AFG2A: variants seen among roughly 807,000 people sequenced by gnomAD.
The protein encoded by AFG2A is ATPase family gene 2 protein homolog A.
chr4:123,271,304 G>A, the AFG2A span, among the ~76,000 whole-genome samples: 1 of 152,198 alleles, frequency 6.6e-6, no homozygotes, highest in African/African-American at 2.4e-5. Context: ...GAAAATAATA[G>A]TTGGAATGGC....
At chr4:123,024,017 T>C in the AFG2A span, among the ~76,000 whole-genome samples, 17 of 150,720 alleles carry the variant, frequency 1.1e-4, no homozygotes, top group South Asian at 3.4e-3. Flanking sequence ...AGAGAGGAGT[T>C]GCTGAGAATT....
chr4:123,004,678 C>G, the AFG2A span, among the ~76,000 whole-genome samples: 1 of 152,082 alleles, frequency 6.6e-6, no homozygotes, highest in African/African-American at 2.4e-5. Flanking sequence ...AAATATTGTT[C>G]TGTAGTTTTC....
the AFG2A span, among the ~76,000 whole-genome samples, chr4:123,116,210 G>A: frequency 3.9e-5 from 6 of 152,158 alleles, no homozygotes; most frequent in African/African-American, 1.4e-4. Context: ...TTTCAGAAAA[G>A]TTATAAGTAT....
chr4:123,168,228 G>A, the AFG2A span, among the ~76,000 whole-genome samples: 1 of 152,058 alleles, frequency 6.6e-6, no homozygotes, highest in African/African-American at 2.4e-5. Flanking sequence ...ACTACATTCT[G>A]TCATCCTTCC....
At chr4:123,157,695 AAAAC>A in the AFG2A span, among the ~76,000 whole-genome samples, 4 of 152,230 alleles carry the variant, frequency 2.6e-5, no homozygotes, top group Admixed American at 1.3e-4. Context: ...TAGTTCACGT[AAAAC>A]AAATCTCTAG....
the AFG2A span, among the ~76,000 whole-genome samples, chr4:123,119,159 A>G: frequency 6.6e-6 from 1 of 152,140 alleles, no homozygotes; most frequent in Non-Finnish European, 1.5e-5. Context: ...ATTTATTTGA[A>G]TCACATAATT....
At chr4:123,296,720 T>C in the AFG2A span, among the ~76,000 whole-genome samples, 46 of 152,336 alleles carry the variant, frequency 3.0e-4, no homozygotes, top group African/African-American at 1.1e-3. Flanking sequence ...TATACTGTTC[T>C]CTGTACTGTT....
chr4:123,198,556 AC>A, the AFG2A span, among the ~76,000 whole-genome samples: 2 of 152,164 alleles, frequency 1.3e-5, no homozygotes, highest in Non-Finnish European at 2.9e-5. Context: ...CTTCTCAGAT[AC>A]ACATTCTTAA....
chr4:122,987,135 CT>C, the AFG2A span, among the ~76,000 whole-genome samples: 5 of 152,132 alleles, frequency 3.3e-5, no homozygotes. Context: ...ATAGCCACCC[CT>C]GCTCTATTTT....
At chr4:123,157,216 GT>G in the AFG2A span, among the ~76,000 whole-genome samples, 67 of 151,708 alleles carry the variant, frequency 4.4e-4, no homozygotes, top group African/African-American at 1.6e-3. Flanking sequence ...TAGAGACAGG[GT>G]TTCACCATGT....
At chr4:123,213,704 G>A in the AFG2A span, among the ~76,000 whole-genome samples, 1 of 152,152 alleles carries the variant, frequency 6.6e-6, no homozygotes, top group Non-Finnish European at 1.5e-5. Context: ...TTCTCTTGTA[G>A]AGGCATTTGC....
chr4:122,973,617 A>G, the AFG2A span, among the ~76,000 whole-genome samples: 17 of 152,154 alleles, frequency 1.1e-4, no homozygotes, highest in African/African-American at 4.1e-4. Context: ...CATTGCAAAC[A>G]TTGCAACAGA....
chr4:123,164,827 G>A, the AFG2A span, among the ~76,000 whole-genome samples: 38 of 152,174 alleles, frequency 2.5e-4, 1 homozygote, highest in South Asian at 7.9e-3. Context: ...TTCCTAGCCA[G>A]TTTTCTTTCA....
chr4:122,963,906 A>G, the AFG2A span, among the ~76,000 whole-genome samples: 1 of 152,206 alleles, frequency 6.6e-6, no homozygotes, highest in Non-Finnish European at 1.5e-5. Context: ...TGTCTCCAGT[A>G]AAAACCAAAT....
chr4:123,017,160 GA>G, the AFG2A span, among the ~76,000 whole-genome samples: 130 of 69,848 alleles, frequency 1.9e-3, 4 homozygotes, highest in African/African-American at 5.4e-3. Flanking sequence ...GGGGGAGAGG[GA>G]AGGGGAGAGG....
At chr4:123,090,841 C>T in the AFG2A span, 1 of 1,211,946 alleles carries the variant, frequency 8.3e-7, no homozygotes, top group Non-Finnish European at 1.1e-6. Context: ...AGCAGGTTCA[C>T]TGTGGACTGG....
chr4:123,148,750 C>T, the AFG2A span, among the ~76,000 whole-genome samples: 4 of 151,066 alleles, frequency 2.6e-5, no homozygotes, highest in Admixed American at 2.0e-4. Flanking sequence ...GAAGTCAGTA[C>T]AGAACACACA....
At chr4:123,146,078 C>T in the AFG2A span, among the ~76,000 whole-genome samples, 1 of 152,058 alleles carries the variant, frequency 6.6e-6, no homozygotes. Context: ...ACAGATTTCT[C>T]AACAACACTA....
the AFG2A span, among the ~76,000 whole-genome samples, chr4:123,189,618 C>T: frequency 2.0e-5 from 3 of 152,178 alleles, no homozygotes; most frequent in Admixed American, 6.5e-5. Context: ...GTACCCAGAA[C>T]AACAGGTTTA....
Sources: allele counts gnomAD v4.1 joint callset (sites outside exome capture counted in the v4.1 genomes callset), GRCh38; gene constraint gnomAD v4.1.1; transcripts MANE v1.5; gene names NCBI Gene and HGNC (gene_info 2026-07-23, HGNC 2026-07-21).